PTPRN2: variants seen among roughly 807,000 people sequenced by gnomAD.
PTPRN2 encodes the protein receptor-type tyrosine-protein phosphatase N2.
A neutral mutation model predicts 118.8 loss-of-function variants in PTPRN2; 74 were observed. The ratio of observed to expected loss-of-function variants is 0.62; its 90% CI spans 0.52 to 0.76. The LOEUF is 0.76. Among genes scored for constraint, PTPRN2 ranks in the 30% least tolerant of loss-of-function variants. The probability of loss-of-function intolerance (pLI) is 0.00; values close to 1 mark genes in which losing one functional copy is unlikely to be tolerated. For missense variants in PTPRN2, 1,481 were observed against 1,394.4 expected (o/e 1.06, Z -0.99); for synonymous variants, 641 against 608.0 (o/e 1.05, Z -0.80).
chr7:157,789,993 G>T (rs1176644910), intron 12 of PTPRN2, among the ~76,000 whole-genome samples: 17 of 132,098 alleles, frequency 1.3e-4, no homozygotes, highest in African/African-American at 4.4e-4. Context: ...GTGTGGTGGG[G>T]GTGTGTGTGG....
At chr7:158,442,575 A>G (rs1334025461) in intron 2 of PTPRN2, among the ~76,000 whole-genome samples, 1 of 152,170 alleles carries the variant, frequency 6.6e-6, no homozygotes, top group African/African-American at 2.4e-5. Flanking sequence ...GAACTACAGG[A>G]TTCCATTTTT....
chr7:158,502,412 T>G (rs531677931), intron 1 of PTPRN2, among the ~76,000 whole-genome samples: 29 of 152,266 alleles, frequency 1.9e-4, no homozygotes, highest in African/African-American at 7.0e-4. Context: ...CTTGGAGAAA[T>G]GGGCAGGAAA....
intron 5 of PTPRN2, among the ~76,000 whole-genome samples, chr7:158,171,307 A>ATACATC: frequency 5.2e-5 from 1 of 19,196 alleles, no homozygotes; most frequent in Non-Finnish European, 1.1e-4. Context: ...ATATATACAC[A>ATACATC]CATATATATA....
At chr7:157,939,984 A>G (rs963822006) in intron 11 of PTPRN2, among the ~76,000 whole-genome samples, 1 of 152,168 alleles carries the variant, frequency 6.6e-6, no homozygotes, top group East Asian at 1.9e-4. Context: ...CAGGTCCTGG[A>G]AGGTGTCGCC....
At chr7:158,450,139 G>A (rs553279552) in intron 2 of PTPRN2, among the ~76,000 whole-genome samples, 3 of 152,318 alleles carry the variant, frequency 2.0e-5, no homozygotes, top group South Asian at 2.1e-4. Context: ...GTCCCTTCAC[G>A]GAAGCCCTGC....
intron 10 of PTPRN2, among the ~76,000 whole-genome samples, chr7:158,082,963 A>C (rs73171576): frequency 0.21 from 31,328 of 152,058 alleles, 3,481 homozygotes; most frequent in Admixed American, 0.24. Context: ...GGGCCCTCAG[A>C]AAGGAGGAGG....
intron 14 of PTPRN2, among the ~76,000 whole-genome samples, chr7:157,655,782 A>T (rs1405687240): frequency 6.6e-6 from 1 of 152,108 alleles, no homozygotes; most frequent in Non-Finnish European, 1.5e-5. Context: ...TTATGTATGG[A>T]GTGGCAATGC....
intron 3 of PTPRN2, among the ~76,000 whole-genome samples, chr7:158,259,013 A>G (rs1797215822): frequency 6.6e-6 from 1 of 152,076 alleles, no homozygotes; most frequent in Non-Finnish European, 1.5e-5. Context: ...AGGAAGCAGG[A>G]GCAGGACGGG....
intron 4 of PTPRN2, among the ~76,000 whole-genome samples, chr7:158,197,600 T>G (rs1484569015): frequency 2.6e-5 from 4 of 152,194 alleles, no homozygotes; most frequent in East Asian, 1.9e-4. Flanking sequence ...AAGATATACC[T>G]GAGACTGGGT....
At chr7:157,654,470 C>T (rs1359983194) in intron 14 of PTPRN2, among the ~76,000 whole-genome samples, 1 of 152,194 alleles carries the variant, frequency 6.6e-6, no homozygotes, top group East Asian at 1.9e-4. Flanking sequence ...TCTGTACGCA[C>T]AGAGTCTAAG....
At chr7:158,549,902 G>T (rs927037634) in intron 1 of PTPRN2, among the ~76,000 whole-genome samples, 4 of 152,226 alleles carry the variant, frequency 2.6e-5, no homozygotes, top group African/African-American at 9.6e-5. Flanking sequence ...GATTATGTGT[G>T]CATGACGTGA....
At chr7:158,267,675 G>A (rs568385942) in intron 3 of PTPRN2, among the ~76,000 whole-genome samples, 79 of 152,308 alleles carry the variant, frequency 5.2e-4, no homozygotes, top group African/African-American at 1.8e-3. Flanking sequence ...CTAAGCTTCT[G>A]CAGGCCTTCT....
chr7:157,887,449 TTC>T (rs1796523425), intron 12 of PTPRN2, among the ~76,000 whole-genome samples: 2 of 17,796 alleles, frequency 1.1e-4, no homozygotes, highest in African/African-American at 2.6e-4. Context: ...CAGTACCCAC[TTC>T]CTCCAGTACC....
chr7:157,833,668 G>C (rs1807739749), intron 12 of PTPRN2, among the ~76,000 whole-genome samples: 1 of 152,252 alleles, frequency 6.6e-6, no homozygotes, highest in South Asian at 2.1e-4. Context: ...ATAGTTCCGG[G>C]AGCAGCTCTC....
At chr7:157,766,184 AATCCATCCATCCATCC>A (rs775536701) in intron 12 of PTPRN2, among the ~76,000 whole-genome samples, 1 of 116,162 alleles carries the variant, frequency 8.6e-6, no homozygotes, top group Non-Finnish European at 1.8e-5. Flanking sequence ...TCTGTCCACC[AATCCATCCATCCATCC>A]ATCCATCCAT....
chr7:158,262,496 TGC>T (rs1221527212), intron 3 of PTPRN2, among the ~76,000 whole-genome samples: 11 of 70,246 alleles, frequency 1.6e-4, no homozygotes, highest in East Asian at 1.3e-3. Context: ...CACACATACA[TGC>T]ACACACACTG....
At chr7:158,219,491 C>G (rs1449484456) in intron 3 of PTPRN2, among the ~76,000 whole-genome samples, 1 of 151,640 alleles carries the variant, frequency 6.6e-6, no homozygotes, top group African/African-American at 2.4e-5. Flanking sequence ...AACAACATAA[C>G]ATTACACCTG....
chr7:157,889,535 C>T (rs547570379), intron 12 of PTPRN2, among the ~76,000 whole-genome samples: 1 of 152,324 alleles, frequency 6.6e-6, no homozygotes, highest in African/African-American at 2.4e-5. Context: ...CTCAGCTTCA[C>T]CTTTTGATGC....
intron 1 of PTPRN2, among the ~76,000 whole-genome samples, chr7:158,535,049 C>G (rs528005338): frequency 6.6e-6 from 1 of 152,318 alleles, no homozygotes; most frequent in African/African-American, 2.4e-5. Flanking sequence ...AGCCTCTGTT[C>G]CTCCTGCATT....
Sources: gnomAD v4.1 joint callset for allele counts (sites outside exome capture counted in the v4.1 genomes callset) on GRCh38, gnomAD v4.1.1 for gene constraint, MANE v1.5 for transcripts, NCBI Gene and HGNC (gene_info 2026-07-23, HGNC 2026-07-21) for gene names.